Variants in DTNB observed in about 807,000 individuals in gnomAD.
DTNB encodes dystrobrevin beta.
A neutral mutation model predicts 90.7 loss-of-function variants in DTNB; 63 were observed. That is an observed-to-expected ratio of 0.69 (90% CI 0.57 to 0.86). The LOEUF is 0.86. Ranked by LOEUF, DTNB falls within the 40% of genes least tolerant of loss-of-function variation. DTNB has a pLI of 0.00. For missense variants in DTNB, 744 were observed against 807.1 expected, an observed-to-expected ratio of 0.92 and a Z score of 0.95; for synonymous variants, 277 against 286.7, an observed-to-expected ratio of 0.97 and a Z score of 0.34.
At chr2:25,664,505 C>A (rs960804827) in intron 1 of DTNB, among the ~76,000 whole-genome samples, 3 of 152,136 alleles carry the variant, frequency 2.0e-5, no homozygotes, top group African/African-American at 7.2e-5. Flanking sequence ...AGTATCAGCC[C>A]CTCCAGGCGG....
chr2:25,417,144 A>C (rs763129742), intron 16 of DTNB, among the ~76,000 whole-genome samples: 7 of 152,178 alleles, frequency 4.6e-5, no homozygotes, highest in Non-Finnish European at 8.8e-5. Context: ...TGAGGAAAAA[A>C]CAAATTGTAC....
intron 12 of DTNB, among the ~76,000 whole-genome samples, chr2:25,440,603 T>G (rs576942594): frequency 2.0e-5 from 3 of 152,222 alleles, no homozygotes; most frequent in Non-Finnish European, 4.4e-5. Flanking sequence ...CAAATATACA[T>G]GAGGACATGC....
chr2:25,399,096 T>G (rs564717185), intron 16 of DTNB, among the ~76,000 whole-genome samples: 207 of 152,328 alleles, frequency 1.4e-3, no homozygotes, highest in Non-Finnish European at 2.5e-3. Context: ...GTCACCAGGC[T>G]GGAGTGCAGT....
chr2:25,655,050 A>C (rs1363217165), intron 1 of DTNB, among the ~76,000 whole-genome samples: 3 of 152,240 alleles, frequency 2.0e-5, no homozygotes, highest in Non-Finnish European at 4.4e-5. Context: ...CCCTGCCTTC[A>C]TTCTATCACC....
chr2:25,425,241 T>C (rs2051146888), intron 15 of DTNB, among the ~76,000 whole-genome samples: 1 of 152,116 alleles, frequency 6.6e-6, no homozygotes, highest in Non-Finnish European at 1.5e-5. Context: ...AACATATCTA[T>C]GCAAAACAAC....
rs149675711 is a variant in DTNB at position 25,538,356 on chromosome 2, A to G, written c.877-6759T>C. 4.3e-3 allele frequency among the ~76,000 whole-genome samples: 654 copies of G among 152,306 alleles called. 4 individuals carry two copies. Among genetic ancestry groups the G allele is most frequent in the African/African-American group, 0.015 (613 of 41,566 alleles). On this transcript the variant is annotated intron_variant, in intron 8 of 20. Coordinates refer to ENST00000406818, the MANE Select transcript of DTNB (RefSeq NM_021907.5). Reference sequence around the variant, plus strand: ...GGAGTTTGAGGTTGCAGTGAACTACAATAGTGCCACTGTATTCCAGCCTAG... The same window carrying G: ...GGAGTTTGAGGTTGCAGTGAACTACGATAGTGCCACTGTATTCCAGCCTAG...
At chr2:25,457,219 AG>A (rs1226225409) in intron 10 of DTNB, among the ~76,000 whole-genome samples, 5 of 152,058 alleles carry the variant, frequency 3.3e-5, no homozygotes, top group Non-Finnish European at 5.9e-5. Flanking sequence ...CATGTTGGCC[AG>A]GATGGTCTCG....
intron 1 of DTNB, among the ~76,000 whole-genome samples, chr2:25,671,543 T>G (rs1295384381): frequency 6.6e-6 from 1 of 152,242 alleles, no homozygotes; most frequent in African/African-American, 2.4e-5. Flanking sequence ...GATTATTACT[T>G]ATTTTTCACA....
intron 9 of DTNB, among the ~76,000 whole-genome samples, chr2:25,507,760 C>CAAA (rs1251350678): frequency 4.6e-5 from 7 of 152,204 alleles, no homozygotes; most frequent in Non-Finnish European, 2.9e-5. Flanking sequence ...AACACATCCT[C>CAAA]TTGTCACTTA....
chr2:25,508,333 T>C (rs185294887), intron 9 of DTNB, among the ~76,000 whole-genome samples: 89 of 152,282 alleles, frequency 5.8e-4, no homozygotes, highest in South Asian at 3.5e-3. Context: ...TCAGTAATTA[T>C]CTGTTTCATT....
intron 8 of DTNB, among the ~76,000 whole-genome samples, chr2:25,569,208 C>T (rs1454433286): frequency 6.6e-6 from 1 of 152,162 alleles, no homozygotes; most frequent in African/African-American, 2.4e-5. Flanking sequence ...AGAAAAAAGC[C>T]AACCCTCTAC....
chr2:25,627,650 T>C (rs2074524767), intron 4 of DTNB, among the ~76,000 whole-genome samples: 1 of 151,974 alleles, frequency 6.6e-6, no homozygotes, highest in Non-Finnish European at 1.5e-5. Context: ...TTCTCCACAA[T>C]ATTCCAGAGT....
chr2:25,526,398 T>A lies in DTNB; in HGVS notation c.1001+5075A>T, dbSNP rs868600309. Among the ~76,000 whole-genome samples, 721 of 129,030 alleles carry A rather than the reference T, an allele frequency of 5.6e-3. 4 individuals are homozygous for A. Among genetic ancestry groups the A allele is most frequent in the East Asian group, 9.1e-3 (42 of 4,596 alleles). 84.6% of individuals were successfully genotyped at this position (129,030 alleles called of 152,430 possible). Reference sequence around the variant, plus strand: ...ATATATATATATATATATATATATTTTTTTTTTTTTAATTGAGACAGAGTT... The same window carrying A: ...ATATATATATATATATATATATATTATTTTTTTTTTAATTGAGACAGAGTT... On this transcript the variant is annotated intron_variant, in intron 9 of 20. Transcript: ENST00000406818.
chr2:25,383,991 C>T, intron 18 of DTNB, 102 bp from the exon 19 acceptor site: 1 of 1,590,750 alleles, frequency 6.3e-7, no homozygotes, highest in Non-Finnish European at 8.5e-7. Flanking sequence ...GAAACTCTAG[C>T]TAACAGCTCC....
chr2:25,525,391 T>C (rs1055795289), intron 9 of DTNB, among the ~76,000 whole-genome samples: 7 of 152,064 alleles, frequency 4.6e-5, no homozygotes, highest in Admixed American at 1.3e-4. Flanking sequence ...ACACCTGTAA[T>C]CCTAGGAGGC....
chr2:25,493,587 A>T (rs572877551), intron 9 of DTNB, among the ~76,000 whole-genome samples: 2 of 152,312 alleles, frequency 1.3e-5, no homozygotes, highest in African/African-American at 4.8e-5. Context: ...TCCTTCATAG[A>T]TTGGCCAAAG....
At chr2:25,660,809 G>T (rs2083029977) in intron 1 of DTNB, among the ~76,000 whole-genome samples, 1 of 151,972 alleles carries the variant, frequency 6.6e-6, no homozygotes, top group South Asian at 2.1e-4. Flanking sequence ...ACAAAACGTT[G>T]TACCTGTCTC....
chr2:25,465,135 G>C (rs1246798675), intron 10 of DTNB, among the ~76,000 whole-genome samples: 3 of 152,182 alleles, frequency 2.0e-5, no homozygotes, highest in Non-Finnish European at 4.4e-5. Context: ...AGCACTTTGG[G>C]AGACCCAGGC....
intron 4 of DTNB, among the ~76,000 whole-genome samples, chr2:25,627,378 C>T (rs1330778408): frequency 1.3e-5 from 2 of 151,764 alleles, no homozygotes; most frequent in African/African-American, 4.8e-5. Flanking sequence ...CACACCATTG[C>T]ACTCCAGCCT....
Sources: gnomAD v4.1 joint callset for allele counts (sites outside exome capture counted in the v4.1 genomes callset) on GRCh38, gnomAD v4.1.1 for gene constraint, MANE v1.5 for transcripts, NCBI Gene and HGNC (gene_info 2026-07-23, HGNC 2026-07-21) for gene names.